Variants in PRKCQ observed in about 807,000 individuals in gnomAD.
PRKCQ encodes protein kinase C theta.
A neutral mutation model predicts 91.2 loss-of-function variants in PRKCQ; 41 were observed. The observed-to-expected ratio is 0.45, with a 90% CI of 0.35 to 0.58. The LOEUF (loss-of-function observed/expected upper bound fraction) is 0.58, where lower values mean the gene tolerates loss of function less well. Ranked by LOEUF, PRKCQ falls within the 20% of genes least tolerant of loss-of-function variation. The pLI, the probability that PRKCQ is intolerant of heterozygous loss-of-function variation, is 0.00. For synonymous variants in PRKCQ, 307 were observed against 316.9 expected (o/e 0.97, Z 0.33); for missense variants, 673 against 896.5 (o/e 0.75, Z 3.18).
At chr10:6,447,200 A>C (rs1834355136) in intron 15 of PRKCQ, among the ~76,000 whole-genome samples, 1 of 151,668 alleles carries the variant, frequency 6.6e-6, no homozygotes, top group Non-Finnish European at 1.5e-5. Flanking sequence ...TGAGGTTAAG[A>C]GATCGAGACC....
At chr10:6,517,689 T>C (rs1001064506) in intron 1 of PRKCQ, among the ~76,000 whole-genome samples, 3 of 149,206 alleles carry the variant, frequency 2.0e-5, no homozygotes, top group African/African-American at 7.4e-5. Context: ...ATATTATTTA[T>C]CAAGTGTTAT....
intron 1 of PRKCQ, among the ~76,000 whole-genome samples, chr10:6,551,638 C>T (rs891706655): frequency 2.0e-5 from 3 of 152,086 alleles, no homozygotes; most frequent in East Asian, 1.9e-4. Context: ...CCTTGTGATC[C>T]GCCTGCCTCG....
intron 12 of PRKCQ, among the ~76,000 whole-genome samples, chr10:6,476,313 CAAA>C (rs34526387): frequency 8.6e-6 from 1 of 116,026 alleles, no homozygotes; most frequent in Non-Finnish European, 1.7e-5. Flanking sequence ...ACATGCAAAT[CAAA>C]AAAAAAAAAA....
the PRKCQ span, among the ~76,000 whole-genome samples, chr10:6,403,161 C>T: frequency 6.6e-6 from 1 of 152,316 alleles, no homozygotes; most frequent in Admixed American, 6.5e-5. Context: ...CCCTGCTGGT[C>T]GCTCTCATGC....
chr10:6,545,870 G>A (rs1001959772), intron 1 of PRKCQ, among the ~76,000 whole-genome samples: 2 of 152,138 alleles, frequency 1.3e-5, no homozygotes, highest in Non-Finnish European at 2.9e-5. Context: ...AGGTGTGGTG[G>A]TGTGTGCCTG....
At chr10:6,526,474 T>C (rs1176419225) in intron 1 of PRKCQ, among the ~76,000 whole-genome samples, 1 of 147,298 alleles carries the variant, frequency 6.8e-6, no homozygotes, top group Non-Finnish European at 1.5e-5. Flanking sequence ...AGGAGGGAGG[T>C]GGGGAGTGCT....
the PRKCQ span, among the ~76,000 whole-genome samples, chr10:6,395,879 A>G: frequency 1.6e-3 from 247 of 152,202 alleles, 1 homozygote; most frequent in South Asian, 0.015. Flanking sequence ...TCAGAGGCCA[A>G]CCTTTTCCTT....
intron 12 of PRKCQ, among the ~76,000 whole-genome samples, chr10:6,472,135 C>G (rs1032793141): frequency 1.1e-4 from 16 of 152,130 alleles, no homozygotes; most frequent in Non-Finnish European, 7.4e-5. Flanking sequence ...GGTGAAACCC[C>G]ATCTCTACTA....
chr10:6,537,495 G>A (rs1239951131), intron 1 of PRKCQ, among the ~76,000 whole-genome samples: 1 of 152,156 alleles, frequency 6.6e-6, no homozygotes, highest in Non-Finnish European at 1.5e-5. Context: ...GGGAACTCAG[G>A]TGCCACAGAA....
At chr10:6,452,748 G>C (rs1588680856) in intron 15 of PRKCQ, among the ~76,000 whole-genome samples, 2 of 150,696 alleles carry the variant, frequency 1.3e-5, no homozygotes, top group African/African-American at 2.4e-5. Context: ...GAACAGAACA[G>C]AGCCCTCAGA....
chr10:6,573,276 T>C (rs538759492), intron 1 of PRKCQ, among the ~76,000 whole-genome samples: 1 of 152,328 alleles, frequency 6.6e-6, no homozygotes, highest in East Asian at 1.9e-4. Flanking sequence ...ACGGAAAATG[T>C]TGAAGCTTAT....
intron 16 of PRKCQ, among the ~76,000 whole-genome samples, chr10:6,433,474 GC>G (rs1833519809): frequency 6.6e-6 from 1 of 152,102 alleles, no homozygotes; most frequent in Admixed American, 6.6e-5. Context: ...AAGTGAATAA[GC>G]TGTCTTTCCA....
rs914085788 is a variant in PRKCQ at position 6,517,770 on chromosome 10, T to C, written c.-9-2626A>G. On this transcript the variant is annotated intron_variant, in intron 1 of 17. Transcript: ENST00000263125. ...AACAGTAAAGACCTACCCAGGGAAATAGCTATGGTTAGTGTAACAGAAGTA... is the reference window on the plus strand; with the variant it reads ...AACAGTAAAGACCTACCCAGGGAAACAGCTATGGTTAGTGTAACAGAAGTA... 3.9e-5 allele frequency among the ~76,000 whole-genome samples: 6 copies of C among 152,042 alleles called. No individual in the cohort carries two copies. The South Asian group carries it at 6.2e-4, about 16-fold the overall frequency.
At chr10:6,491,864 G>A in intron 7 of PRKCQ, 52 bp from the exon 8 acceptor site, 1 of 1,610,740 alleles carries the variant, frequency 6.2e-7, no homozygotes, top group Non-Finnish European at 8.5e-7. Context: ...CCCCGACTTT[G>A]GATGTTCTTG....
Position 6,494,550 on chromosome 10 carries a change from G to A in PRKCQ, c.660+2485C>T, listed in dbSNP as rs776037590. 1.2e-4 allele frequency among the ~76,000 whole-genome samples: 19 copies of A among 152,132 alleles called. No homozygotes were observed. In the East Asian group the frequency reaches 1.3e-3, roughly 11 times the overall value. On this transcript the variant is annotated intron_variant, in intron 7 of 17. Transcript: ENST00000263125. Reference sequence around the variant, plus strand: ...GATTTAAGCCTGTGAAGATCTGCACGTGGGCCTCAATTTCAACACCTCAAC... The same window carrying A: ...GATTTAAGCCTGTGAAGATCTGCACATGGGCCTCAATTTCAACACCTCAAC...
intron 1 of PRKCQ, among the ~76,000 whole-genome samples, chr10:6,550,220 A>T (rs971984390): frequency 1.3e-5 from 2 of 152,200 alleles, no homozygotes; most frequent in Non-Finnish European, 2.9e-5. Context: ...GTTCATCCAC[A>T]TGACAGCATG....
intron 1 of PRKCQ, among the ~76,000 whole-genome samples, chr10:6,549,141 GC>G (rs1840086442): frequency 6.6e-6 from 1 of 152,142 alleles, no homozygotes; most frequent in South Asian, 2.1e-4. Flanking sequence ...AGTACATGGG[GC>G]CATATAAGTA....
the PRKCQ span, among the ~76,000 whole-genome samples, chr10:6,407,375 C>T: frequency 6.6e-6 from 1 of 152,054 alleles, no homozygotes; most frequent in Admixed American, 6.6e-5. The surrounding 1 kb of genome is among the most constrained non-coding windows in gnomAD (Gnocchi z 4.0). Flanking sequence ...GGAATGACTT[C>T]CAGGCAGCAG....
In PRKCQ at chr10:6,430,134, C is replaced by T. The variant is rs541211866; in HGVS notation, c.1965+676G>A. On this transcript the variant is annotated intron_variant, in intron 17 of 17. Transcript: ENST00000263125. The surrounding 1 kb of genome is among the most constrained non-coding windows in gnomAD (Gnocchi z 4.7). ...CTTTCCAAAGTGCTGGGATTACAGG[C>T]GTGAGCCACCATGCCCAGCCCAACC... 6.6e-5 allele frequency among the ~76,000 whole-genome samples: 10 copies of T among 152,292 alleles called. No individual in the cohort carries two copies. Among genetic ancestry groups the T allele is most frequent in the African/African-American group, 1.9e-4 (8 of 41,564 alleles).
Sources: allele counts gnomAD v4.1 joint callset (sites outside exome capture counted in the v4.1 genomes callset), GRCh38; gene constraint gnomAD v4.1.1; non-coding constraint Gnocchi (gnomAD v3.1); transcripts MANE v1.5; gene names NCBI Gene and HGNC (gene_info 2026-07-23, HGNC 2026-07-21).